ZWILCH: variants seen among roughly 807,000 people sequenced by gnomAD.
ZWILCH encodes zwilch kinetochore protein.
Under a neutral mutation model 79.9 loss-of-function variants are expected in ZWILCH, and 74 were observed. That is an observed-to-expected ratio of 0.93 (90% CI 0.77 to 1.12). The LOEUF (loss-of-function observed/expected upper bound fraction) is 1.12, where lower values mean the gene tolerates loss of function less well. Among genes scored for constraint, ZWILCH ranks in the 50% most tolerant of loss-of-function variants. ZWILCH has a pLI of 0.00. For synonymous variants in ZWILCH, 241 were observed against 228.2 expected, an observed-to-expected ratio of 1.06 and a Z score of -0.51; for missense variants, 694 against 687.5, an observed-to-expected ratio of 1.01 and a Z score of -0.11.
At position 66,512,020 on chromosome 15, in the gene ZWILCH, T is replaced by C. The variant is rs560902045; in HGVS notation, c.106-1968T>C. ...ATCAGTGTGATTTTAGGTATTAATCTTAAGAAAATAATTCAAAAGTGTTCA... is the reference window on the plus strand; with the variant it reads ...ATCAGTGTGATTTTAGGTATTAATCCTAAGAAAATAATTCAAAAGTGTTCA... On this transcript the variant is annotated intron_variant, in intron 2 of 18. Coordinates refer to ENST00000307897, the MANE Select transcript of ZWILCH (RefSeq NM_017975.5). Among the ~76,000 whole-genome samples the C allele has an allele frequency of 3.3e-5, 5 of 152,268 alleles. No homozygotes were observed. The South Asian group carries it at 8.3e-4, about 25-fold the overall frequency.
In ZWILCH at chr15:66,515,639, G is replaced by A. The variant is rs753553536; in HGVS notation, c.315G>A (p.Lys105=). 8.7e-6 allele frequency: 14 copies of A among 1,607,524 alleles called. No individual in the cohort carries two copies. The highest frequency in any genetic ancestry group is 1.7e-5 in the Admixed American group (1 of 59,718). Residue 105 remains lysine, a synonymous_variant, in exon 4 of 19, where the codon AAG becomes AAA. Transcript: ENST00000307897. ...GACCACTTGCTTTACCAGTTGGGAA[G>A]GCAAGGTAGGTTTTCTCTTATGCTG... is the stretch of plus-strand genomic sequence containing the variant. The part of the protein sequence containing the change: ...NVGPLALPVG[K]ARQLIGLYTM...
chr15:66,509,841 A>ATCTATAATTATGTGTGTGTGTGGC (rs1567039373), intron 2 of ZWILCH, among the ~76,000 whole-genome samples: 1 of 64,886 alleles, frequency 1.5e-5, no homozygotes, highest in Non-Finnish European at 3.3e-5. Flanking sequence ...ATATATATAT[A>ATCTATAATTATGTGTGTGTGTGGC]TATATATATA....
chr15:66,542,415 C>G (rs1375888987), intron 17 of ZWILCH, among the ~76,000 whole-genome samples: 1 of 152,164 alleles, frequency 6.6e-6, no homozygotes, highest in Admixed American at 6.5e-5. Flanking sequence ...GAAACTCCGT[C>G]TCTACTGAAA....
At chr15:66,545,104 G>C (rs1895329097) in intron 17 of ZWILCH, among the ~76,000 whole-genome samples, 1 of 151,622 alleles carries the variant, frequency 6.6e-6, no homozygotes, top group Non-Finnish European at 1.5e-5. Flanking sequence ...TGTAATCCCA[G>C]CACTTTGGAA....
intron 15 of ZWILCH, 140 bp downstream of exon 15, chr15:66,536,209 T>TC: frequency 1.5e-6 from 1 of 657,496 alleles, no homozygotes; most frequent in Non-Finnish European, 2.3e-6. Flanking sequence ...TGAGTCTAAG[T>TC]CAGTGCCATA....
intron 10 of ZWILCH, 147 bp from the exon 11 acceptor site, chr15:66,528,705 C>G: frequency 1.6e-6 from 1 of 613,924 alleles, no homozygotes; most frequent in Non-Finnish European, 2.8e-6. Flanking sequence ...TTTGTATCTC[C>G]TCATTAGTGA....
At chr15:66,544,323 A>G (rs1239391756) in intron 17 of ZWILCH, among the ~76,000 whole-genome samples, 2 of 152,142 alleles carry the variant, frequency 1.3e-5, no homozygotes, top group Non-Finnish European at 2.9e-5. Flanking sequence ...TTTATGGTTA[A>G]AAAGAAAATG....
chr15:66,536,953 G>C (rs963232403), intron 15 of ZWILCH, among the ~76,000 whole-genome samples: 1 of 151,900 alleles, frequency 6.6e-6, no homozygotes, highest in Non-Finnish European at 1.5e-5. Context: ...TTTTAAAAGT[G>C]AATGAGATTT....
chr15:66,529,625 T>A (rs1894800105), intron 12 of ZWILCH, 52 bp downstream of exon 12: 3 of 1,404,344 alleles, frequency 2.1e-6, no homozygotes, highest in Middle Eastern at 1.8e-4. Context: ...TAGCATGATG[T>A]AAAGACACAG....
chr15:66,520,848 G>T (rs138773290), intron 6 of ZWILCH, among the ~76,000 whole-genome samples, 188 bp downstream of exon 6: 14 of 152,146 alleles, frequency 9.2e-5, no homozygotes, highest in African/African-American at 2.9e-4. Context: ...GCCAATCTTT[G>T]TGGTTTCAAA....
chr15:66,514,884 A>G (rs1292280152), intron 3 of ZWILCH, among the ~76,000 whole-genome samples: 1 of 152,218 alleles, frequency 6.6e-6, no homozygotes, highest in Non-Finnish European at 1.5e-5. Context: ...GAAAAATCCA[A>G]GAACGTCTGG....
chr15:66,529,808 T>C (rs562621768), intron 12 of ZWILCH, among the ~76,000 whole-genome samples: 10 of 152,238 alleles, frequency 6.6e-5, no homozygotes, highest in Non-Finnish European at 1.2e-4. Flanking sequence ...ATCCATGTAA[T>C]GCACCTAGTG....
In ZWILCH at chr15:66,550,087, G is replaced by A; in HGVS notation, c.*1763G>A. On this transcript the variant is annotated 3_prime_UTR_variant, in exon 19 of 19. Coordinates refer to ENST00000307897, the MANE Select transcript of ZWILCH (RefSeq NM_017975.5). ...TGATAGAGCAAGTTTCCAAAGCTTT[G>A]AGGTACCAACTTTCCACCTAATAAA... is the stretch of plus-strand genomic sequence containing the variant. The A allele has an allele frequency of 1.2e-6, 2 of 1,603,790 alleles. No individual in the cohort carries two copies. Among genetic ancestry groups the A allele is most frequent in the Admixed American group, 3.4e-5 (2 of 58,302 alleles).
Position 66,548,757 on chromosome 15 carries a change from G to C in ZWILCH, c.*433G>C. On this transcript the variant is annotated 3_prime_UTR_variant, in exon 19 of 19. Transcript: ENST00000307897. The stretch of plus-strand genomic sequence containing the variant: ...CTTATTTGCCATGAAATAGAACTTA[G>C]TAAATTAAATGTTATTTGAAAATGT... 2.2e-6 allele frequency: 1 copy of C among 460,598 alleles called. No homozygotes were observed. Among genetic ancestry groups the C allele is most frequent in the East Asian group, 3.2e-5 (1 of 31,306 alleles). The allele number at this position is 460,598 out of a possible 1,614,324, so 28.5% of individuals were successfully genotyped here.
chr15:66,541,307 C>G (rs1029886680), intron 17 of ZWILCH, among the ~76,000 whole-genome samples: 2 of 151,890 alleles, frequency 1.3e-5, no homozygotes, highest in African/African-American at 4.8e-5. Context: ...CACACACACA[C>G]GCACACGCAC....
At chr15:66,531,579 G>A (rs1187868169) in intron 12 of ZWILCH, among the ~76,000 whole-genome samples, 1 of 151,964 alleles carries the variant, frequency 6.6e-6, no homozygotes, top group Non-Finnish European at 1.5e-5. Flanking sequence ...TCTTTCCTCA[G>A]CCTCCCGAGC....
At chr15:66,531,164 TATC>T (rs1894838859) in intron 12 of ZWILCH, among the ~76,000 whole-genome samples, 1 of 152,234 alleles carries the variant, frequency 6.6e-6, no homozygotes, top group Non-Finnish European at 1.5e-5. Context: ...ATTTACAAAT[TATC>T]AAGTTCGTAT....
Position 66,548,717 on chromosome 15 carries a change from T to G in ZWILCH, c.*393T>G. 2.1e-6 allele frequency: 1 copy of G among 484,464 alleles called. No individual in the cohort carries two copies. The allele number at this position is 484,464 out of a possible 1,614,324, so 30.0% of individuals were successfully genotyped here. On this transcript the variant is annotated 3_prime_UTR_variant, in exon 19 of 19. Coordinates refer to ENST00000307897, the MANE Select transcript of ZWILCH (RefSeq NM_017975.5). ...TGGGAAAACTTAAAAAATAGCATCC[T>G]CAAATTTTCTGATTCTTATTTGCCA...
intron 10 of ZWILCH, 140 bp downstream of exon 10, chr15:66,528,052 AT>A (rs1163364379): frequency 3.9e-6 from 2 of 509,722 alleles, no homozygotes; most frequent in African/African-American, 4.1e-5. Context: ...GTTGATCTTT[AT>A]TGTCAGCACT....
Sources: gnomAD v4.1 joint callset for allele counts (sites outside exome capture counted in the v4.1 genomes callset) on GRCh38, gnomAD v4.1.1 for gene constraint, MANE v1.5 for transcripts, NCBI Gene and HGNC (gene_info 2026-07-23, HGNC 2026-07-21) for gene names.